Variants in RNF150 observed in about 807,000 individuals in gnomAD.
The protein encoded by RNF150 is ring finger protein 150.
RNF150 carries 24 observed loss-of-function variants against 39.3 expected under a neutral mutation model. The observed-to-expected ratio is 0.61, with a 90% CI of 0.44 to 0.86. The LOEUF (loss-of-function observed/expected upper bound fraction) is 0.86. RNF150 is among the 40% of genes least tolerant of loss of function. The pLI is 0.00. For missense variants in RNF150, 502 were observed against 587.8 expected (o/e 0.85, Z 1.51); for synonymous variants, 255 against 227.3 (o/e 1.12, Z -1.10).
intron 1 of RNF150, among the ~76,000 whole-genome samples, chr4:141,111,656 G>A (rs1242584565): frequency 1.3e-5 from 2 of 152,182 alleles, no homozygotes; most frequent in Admixed American, 1.3e-4. Context: ...TCCTGAGCAT[G>A]AGGAACCACA....
intron 1 of RNF150, among the ~76,000 whole-genome samples, chr4:140,994,333 A>G (rs990464200): frequency 1.3e-5 from 2 of 152,252 alleles, no homozygotes; most frequent in Non-Finnish European, 2.9e-5. Context: ...AGGATATGAC[A>G]GAAGGGGTGC....
At chr4:140,995,432 G>T (rs1734330962) in intron 1 of RNF150, among the ~76,000 whole-genome samples, 1 of 152,154 alleles carries the variant, frequency 6.6e-6, no homozygotes, top group African/African-American at 2.4e-5. Context: ...CTAAGGTGTA[G>T]ATTATGCAGA....
At chr4:141,049,373 A>G (rs1164659865) in intron 1 of RNF150, among the ~76,000 whole-genome samples, 1 of 152,060 alleles carries the variant, frequency 6.6e-6, no homozygotes, top group African/African-American at 2.4e-5. Context: ...AGGAACAATA[A>G]AATTAATGTC....
chr4:141,072,507 T>G (rs1451313573), intron 1 of RNF150, among the ~76,000 whole-genome samples: 1 of 152,188 alleles, frequency 6.6e-6, no homozygotes, highest in Admixed American at 6.5e-5. Context: ...GTATTTAAAA[T>G]TTATCTCATC....
At chr4:141,172,684 A>G (rs553437652) in intron 1 of RNF150, among the ~76,000 whole-genome samples, 20 of 152,164 alleles carry the variant, frequency 1.3e-4, no homozygotes, top group African/African-American at 4.8e-4. Flanking sequence ...AAATAACAAC[A>G]CTCACTTGAG....
chr4:141,040,007 A>G (rs1009864749), intron 1 of RNF150, among the ~76,000 whole-genome samples: 1 of 152,042 alleles, frequency 6.6e-6, no homozygotes, highest in Admixed American at 6.6e-5. Context: ...GAACCCACAA[A>G]CTGCCCTCAG....
At chr4:141,169,377 G>A (rs745730779) in intron 1 of RNF150, among the ~76,000 whole-genome samples, 4 of 152,158 alleles carry the variant, frequency 2.6e-5, no homozygotes. Flanking sequence ...GAGGAACCAT[G>A]AGCCAATTAA....
At chr4:141,010,192 T>C (rs951788150) in intron 1 of RNF150, among the ~76,000 whole-genome samples, 3 of 152,222 alleles carry the variant, frequency 2.0e-5, no homozygotes, top group African/African-American at 7.2e-5. Context: ...AAACCTGCCT[T>C]TATTATGAAA....
chr4:140,883,324 T>A (rs1241465894), intron 6 of RNF150, among the ~76,000 whole-genome samples: 1 of 152,208 alleles, frequency 6.6e-6, no homozygotes, highest in Non-Finnish European at 1.5e-5. Flanking sequence ...TGCACCACCC[T>A]ATCACAGTAT....
intron 1 of RNF150, among the ~76,000 whole-genome samples, chr4:141,027,942 T>A (rs894863852): frequency 7.4e-6 from 1 of 135,988 alleles, no homozygotes; most frequent in African/African-American, 2.7e-5. Flanking sequence ...TTTTTTTTTT[T>A]TTTTTTTTTT....
chr4:141,173,125 C>A (rs1160068265), intron 1 of RNF150, among the ~76,000 whole-genome samples: 1 of 152,098 alleles, frequency 6.6e-6, no homozygotes, highest in Non-Finnish European at 1.5e-5. Context: ...ACCTCCATTG[C>A]CTTGAGGGAT....
At chr4:141,162,396 C>T (rs912841337) in intron 1 of RNF150, among the ~76,000 whole-genome samples, 4 of 152,058 alleles carry the variant, frequency 2.6e-5, no homozygotes, top group African/African-American at 9.7e-5. Context: ...TTGGAAGTAA[C>T]TATGTCGTTT....
intron 1 of RNF150, among the ~76,000 whole-genome samples, chr4:140,999,977 A>AGAAGAGG (rs70946722): frequency 2.9e-5 from 1 of 34,678 alleles, no homozygotes; most frequent in Non-Finnish European, 6.2e-5. Context: ...AAGAAGAAGA[A>AGAAGAGG]AAGAAGAAAA....
intron 1 of RNF150, among the ~76,000 whole-genome samples, chr4:140,984,321 T>A (rs1019242190): frequency 6.6e-6 from 1 of 152,068 alleles, no homozygotes; most frequent in African/African-American, 2.4e-5. Context: ...ATACATAAAT[T>A]ATTGGGATGA....
At chr4:140,903,920 C>A (rs1730281020) in intron 6 of RNF150, among the ~76,000 whole-genome samples, 1 of 152,158 alleles carries the variant, frequency 6.6e-6, no homozygotes, top group Admixed American at 6.5e-5. Context: ...CTCAACTCTC[C>A]CTGTCAGAGG....
chr4:141,185,741 G>C (rs146242921), intron 1 of RNF150, among the ~76,000 whole-genome samples: 5,909 of 152,254 alleles, frequency 0.039, 157 homozygotes, highest in Non-Finnish European at 0.062. Context: ...TAGCATGAAG[G>C]GGTGTTGAAT....
chr4:141,085,341 A>G (rs1738321823), intron 1 of RNF150, among the ~76,000 whole-genome samples: 1 of 152,206 alleles, frequency 6.6e-6, no homozygotes, highest in Non-Finnish European at 1.5e-5. Context: ...TGGGAGCTAC[A>G]ATTCAAGATG....
chr4:141,044,054 T>C (rs1207940495), intron 1 of RNF150, among the ~76,000 whole-genome samples: 1 of 152,192 alleles, frequency 6.6e-6, no homozygotes, highest in East Asian at 1.9e-4. Context: ...TTGATATCTA[T>C]CAAAATGTCC....
intron 1 of RNF150, among the ~76,000 whole-genome samples, chr4:141,201,124 A>T (rs905893786): frequency 2.0e-5 from 3 of 152,224 alleles, no homozygotes; most frequent in African/African-American, 4.8e-5. Context: ...ATAATTTCAG[A>T]GACATAACTA....
Sources: gnomAD v4.1 joint callset for allele counts (sites outside exome capture counted in the v4.1 genomes callset) on GRCh38, gnomAD v4.1.1 for gene constraint, MANE v1.5 for transcripts, NCBI Gene and HGNC (gene_info 2026-07-23, HGNC 2026-07-21) for gene names.